ZNRF1: variants seen among roughly 807,000 people sequenced by gnomAD.
ZNRF1 encodes the protein zinc and ring finger 1, also known as E3 ubiquitin-protein ligase ZNRF1.
In ZNRF1, 3 loss-of-function variants were observed where a neutral mutation model predicts 18.4. That is an observed-to-expected ratio of 0.16 (90% CI 0.07 to 0.42). ZNRF1 has a LOEUF of 0.42. Ranked by LOEUF, ZNRF1 falls within the 10% of genes least tolerant of loss-of-function variation. The probability of loss-of-function intolerance (pLI) is 0.99; values close to 1 mark genes in which losing one functional copy is unlikely to be tolerated. For missense variants in ZNRF1, 310 were observed against 329.8 expected (o/e 0.94, Z 0.47); for synonymous variants, 157 against 144.2 (o/e 1.09, Z -0.64).
chr16:75,027,352 A>T (rs1476786040), intron 1 of ZNRF1, among the ~76,000 whole-genome samples: 1 of 152,198 alleles, frequency 6.6e-6, no homozygotes, highest in Non-Finnish European at 1.5e-5. Flanking sequence ...CAGTTTGGCC[A>T]TCAAAAATTG....
At chr16:75,077,525 C>CCT (rs2035955410) in intron 1 of ZNRF1, among the ~76,000 whole-genome samples, 3 of 152,062 alleles carry the variant, frequency 2.0e-5, no homozygotes, top group African/African-American at 7.2e-5. Flanking sequence ...AGCGAGATTC[C>CCT]GTCTCAAAAA....
intron 1 of ZNRF1, among the ~76,000 whole-genome samples, chr16:75,003,958 GA>G (rs1030289971): frequency 8.5e-6 from 1 of 117,880 alleles, no homozygotes; most frequent in Non-Finnish European, 2.0e-5. Flanking sequence ...AATCGCCTCA[GA>G]TTTTTTTTTT....
chr16:75,069,160 T>C (rs998924196), intron 1 of ZNRF1, among the ~76,000 whole-genome samples: 3 of 152,112 alleles, frequency 2.0e-5, no homozygotes, highest in Non-Finnish European at 4.4e-5. Flanking sequence ...AGTGGCACTA[T>C]TGCCTTTTCA....
rs145864782 is a variant in ZNRF1, at chr16:75,067,032, G to A, written c.425-26540G>A. Reference sequence around the variant, plus strand: ...TTGCAGTCAGATGGTGGCTGTGGCTGCGACCATCTCAAAGGCTTTTCACTC... The same window carrying A: ...TTGCAGTCAGATGGTGGCTGTGGCTACGACCATCTCAAAGGCTTTTCACTC... On this transcript the variant is annotated intron_variant, in intron 1 of 4. Transcript: ENST00000335325. Among the ~76,000 whole-genome samples the A allele has an allele frequency of 3.3e-5, 5 of 152,290 alleles. No individual in the cohort carries two copies. The East Asian group carries it at 5.8e-4, about 18-fold the overall frequency.
At position 75,028,614 on chromosome 16, in the gene ZNRF1, C is replaced by G. The variant is rs575414665; in HGVS notation, c.424+28519C>G. Reference sequence around the variant, plus strand: ...CCGGCCCCTGCTACTTCTTTTAAGACAAAAAGTTCTCAAGAATTCTCTTTT... The same window carrying G: ...CCGGCCCCTGCTACTTCTTTTAAGAGAAAAAGTTCTCAAGAATTCTCTTTT... On this transcript the variant is annotated intron_variant, in intron 1 of 4. Coordinates refer to ENST00000335325, the MANE Select transcript of ZNRF1 (RefSeq NM_032268.5). 1.3e-4 allele frequency among the ~76,000 whole-genome samples: 20 copies of G among 152,300 alleles called. 2 individuals carry two copies. Among genetic ancestry groups the G allele is most frequent in the South Asian group, 1.2e-3 (6 of 4,818 alleles).
intron 1 of ZNRF1, among the ~76,000 whole-genome samples, chr16:75,012,686 C>G (rs927027692): frequency 2.0e-5 from 3 of 152,192 alleles, no homozygotes; most frequent in Non-Finnish European, 4.4e-5. Flanking sequence ...ACTTTTCTGC[C>G]AACCTAGCGT....
chr16:75,095,723 C>G (rs551858837), intron 2 of ZNRF1: 2 of 1,543,644 alleles, frequency 1.3e-6, no homozygotes, highest in African/African-American at 2.8e-5. Flanking sequence ...GCAGAGTTAC[C>G]CCCACTGCCC....
At position 75,000,641 on chromosome 16, in the gene ZNRF1, C is replaced by G. The variant is rs922446862; in HGVS notation, c.424+546C>G. On this transcript the variant is annotated intron_variant, in intron 1 of 4. Transcript: ENST00000335325. ...GTTTGAAATGTTTAAAATGGAGCAG[C>G]CGGCAGGCGGCTGGCATAGACAGGT... Among the ~76,000 whole-genome samples, 3 of 152,226 alleles carry G rather than the reference C, an allele frequency of 2.0e-5. No individual in the cohort carries two copies. In the South Asian group the frequency reaches 6.2e-4, roughly 31 times the overall value.
At chr16:75,058,528 T>A (rs2035697692) in intron 1 of ZNRF1, among the ~76,000 whole-genome samples, 1 of 152,162 alleles carries the variant, frequency 6.6e-6, no homozygotes, top group African/African-American at 2.4e-5. Context: ...TGAGATAAAT[T>A]GTTAAAGATG....
intron 1 of ZNRF1, among the ~76,000 whole-genome samples, chr16:75,032,979 C>T (rs1336162494): frequency 6.6e-6 from 1 of 152,186 alleles, no homozygotes; most frequent in Non-Finnish European, 1.5e-5. Flanking sequence ...TGCTGCTGCA[C>T]TCCATCTGGG....
chr16:75,076,871 G>A (rs1187935605), intron 1 of ZNRF1, among the ~76,000 whole-genome samples: 1 of 151,858 alleles, frequency 6.6e-6, no homozygotes, highest in Non-Finnish European at 1.5e-5. Context: ...CAGCATGTGA[G>A]ACACAGCAAG....
intron 2 of ZNRF1, among the ~76,000 whole-genome samples, chr16:75,101,411 G>T (rs144359738): frequency 6.6e-6 from 1 of 152,094 alleles, no homozygotes; most frequent in Non-Finnish European, 1.5e-5. Context: ...AAAATTAGCC[G>T]GGTGTGGTGG....
rs2036295889 is a variant in ZNRF1 at position 75,104,877 on chromosome 16, T to C, written c.614T>C (p.Ile205Thr). The C allele has an allele frequency of 1.9e-6, 3 of 1,603,022 alleles. No individual in the cohort carries two copies. Among genetic ancestry groups the C allele is most frequent in the Non-Finnish European group, 2.6e-6 (3 of 1,175,486 alleles). Residue 205 changes from isoleucine to threonine, a missense_variant, in exon 3 of 5, where the codon ATC becomes ACC. Physicochemically the swap from Ile to Thr is moderately conservative, Grantham distance 89 (BLOSUM62 -1). Transcript: ENST00000335325. ...DTIARLPCLC[I>T]YHKSCIDSWF... is the part of the protein sequence containing the mutation. ...ATAGCCAGGCTGCCCTGCCTGTGCATCTATCACAAAAGGTAGGAGGGGTTG... is the reference window on the plus strand; with the variant it reads ...ATAGCCAGGCTGCCCTGCCTGTGCACCTATCACAAAAGGTAGGAGGGGTTG...
intron 2 of ZNRF1, among the ~76,000 whole-genome samples, chr16:75,100,763 G>A (rs1046499559): frequency 2.0e-5 from 3 of 152,238 alleles, no homozygotes; most frequent in Non-Finnish European, 4.4e-5. Context: ...AAGGGCTATA[G>A]CCCATACGCT....
At chr16:75,028,359 T>C (rs2035253558) in intron 1 of ZNRF1, among the ~76,000 whole-genome samples, 1 of 152,258 alleles carries the variant, frequency 6.6e-6, no homozygotes, top group East Asian at 1.9e-4. Flanking sequence ...AATGGCGTGA[T>C]GTCGGCTCAC....
At chr16:75,097,144 CTGTT>C (rs2036209729) in intron 2 of ZNRF1, among the ~76,000 whole-genome samples, 1 of 152,178 alleles carries the variant, frequency 6.6e-6, no homozygotes, top group Non-Finnish European at 1.5e-5. Flanking sequence ...TCTAACATCT[CTGTT>C]TGTGACTCTG....
intron 1 of ZNRF1, among the ~76,000 whole-genome samples, chr16:75,071,098 C>CTTTTTTTTTTTTTT (rs56690008): frequency 1.4e-5 from 2 of 143,468 alleles, no homozygotes; most frequent in Non-Finnish European, 1.5e-5. Flanking sequence ...GCACAGGTGT[C>CTTTTTTTTTTTTTT]TTTTTTTTTT....
intron 1 of ZNRF1, among the ~76,000 whole-genome samples, chr16:75,013,254 A>G (rs2035022714): frequency 6.6e-6 from 1 of 152,116 alleles, no homozygotes; most frequent in South Asian, 2.1e-4. Context: ...AGGAGTAAGA[A>G]TTACTTCTCT....
chr16:75,043,730 GGA>G (rs1289189117), intron 1 of ZNRF1, among the ~76,000 whole-genome samples: 1 of 149,414 alleles, frequency 6.7e-6, no homozygotes, highest in East Asian at 2.0e-4. Flanking sequence ...TGGGTTGGGT[GGA>G]GTACTGGTTT....
Sources: allele counts gnomAD v4.1 joint callset (sites outside exome capture counted in the v4.1 genomes callset), GRCh38; gene constraint gnomAD v4.1.1; transcripts MANE v1.5; gene names NCBI Gene and HGNC (gene_info 2026-07-23, HGNC 2026-07-21).